The following MYO10 variants were observed in gnomAD, a reference collection of about 807,000 sequenced individuals.
MYO10 encodes the protein myosin X, also known as unconventional myosin-X.
In MYO10, 133 loss-of-function variants were observed where a neutral mutation model predicts 257.3. The ratio of observed to expected loss-of-function variants is 0.52; its 90% CI spans 0.45 to 0.60. The LOEUF is 0.60. Ranked by LOEUF, MYO10 falls within the 20% of genes least tolerant of loss-of-function variation. The pLI is 0.00. For synonymous variants in MYO10, 1,104 were observed against 1,028.6 expected, an observed-to-expected ratio of 1.07 and a Z score of -1.40; for missense variants, 2,399 against 2,635.7, an observed-to-expected ratio of 0.91 and a Z score of 1.97.
chr5:16,742,911 G>A (rs946057204), intron 19 of MYO10, among the ~76,000 whole-genome samples: 4 of 151,180 alleles, frequency 2.6e-5, no homozygotes, highest in Admixed American at 1.3e-4. Flanking sequence ...GCCTGAGGTC[G>A]GGAGTTCGAG....
At position 16,779,127 on chromosome 5, in the gene MYO10, G is replaced by A. The variant is rs186544439; in HGVS notation, c.930+418C>T. Among the ~76,000 whole-genome samples, 239 of 152,296 alleles carry A rather than the reference G, an allele frequency of 1.6e-3. 1 individual carries two copies. The highest frequency in any genetic ancestry group is 5.5e-3 in the African/African-American group (229 of 41,562). On this transcript the variant is annotated intron_variant, in intron 9 of 40. Coordinates refer to ENST00000513610, the MANE Select transcript of MYO10 (RefSeq NM_012334.3). The stretch of plus-strand genomic sequence containing the variant: ...AAATTCTGCAACAACAGTCACCTGG[G>A]CCAATGGCTGGCAGATTTGTTATTA...
At chr5:16,928,300 T>C (rs544087770) in intron 1 of MYO10, among the ~76,000 whole-genome samples, 175 of 152,220 alleles carry the variant, frequency 1.1e-3, no homozygotes, top group African/African-American at 3.4e-3. Context: ...ATTCAACCGA[T>C]TCTCCTGCCT....
intron 2 of MYO10, among the ~76,000 whole-genome samples, chr5:16,829,633 G>A (rs955389259): frequency 2.0e-5 from 3 of 152,064 alleles, no homozygotes; most frequent in African/African-American, 4.8e-5. Flanking sequence ...TTCTGACAGC[G>A]CCGCAGGGCT....
intron 2 of MYO10, among the ~76,000 whole-genome samples, chr5:16,820,255 A>T (rs1021230316): frequency 6.6e-6 from 1 of 152,236 alleles, no homozygotes; most frequent in East Asian, 1.9e-4. Flanking sequence ...AATTCCCAGA[A>T]GTTAAATAGC....
chr5:16,681,030 G>C (rs1016867486), intron 32 of MYO10, among the ~76,000 whole-genome samples: 7 of 152,094 alleles, frequency 4.6e-5, no homozygotes. Context: ...GATGAAAACA[G>C]TATATGAAAA....
intron 2 of MYO10, among the ~76,000 whole-genome samples, chr5:16,824,279 G>C (rs1049733191): frequency 6.6e-6 from 1 of 152,110 alleles, no homozygotes; most frequent in African/African-American, 2.4e-5. Context: ...TTCTCCTAGA[G>C]TAGAGGTTCT....
At chr5:16,763,263 T>G (rs1309516986) in intron 14 of MYO10, among the ~76,000 whole-genome samples, 1 of 152,214 alleles carries the variant, frequency 6.6e-6, no homozygotes, top group African/African-American at 2.4e-5. Context: ...ACACTGTTGA[T>G]TCTAAAATAC....
At chr5:16,846,689 T>C (rs17707780) in intron 2 of MYO10, among the ~76,000 whole-genome samples, 18,162 of 152,266 alleles carry the variant, frequency 0.12, 1,287 homozygotes, top group East Asian at 0.27. Context: ...AGTCATAATA[T>C]GTGACAAGTG....
At position 16,677,564 on chromosome 5, in the gene MYO10, T is replaced by C. The variant is rs541016263; in HGVS notation, c.4543-1410A>G. Among the ~76,000 whole-genome samples the C allele has an allele frequency of 5.9e-3, 893 of 151,472 alleles. 6 individuals are homozygous for C. The highest frequency in any genetic ancestry group is 6.8e-3 in the Non-Finnish European group (465 of 67,930). ...CCGAGTAGCTGGGACTACAGGCGCC[T>C]GCCACCACACCCAGCTAATTTTTTG... On this transcript the variant is annotated intron_variant, in intron 33 of 40. Coordinates refer to ENST00000513610, the MANE Select transcript of MYO10 (RefSeq NM_012334.3).
chr5:16,824,982 T>A (rs116099286), intron 2 of MYO10, among the ~76,000 whole-genome samples: 1,543 of 152,314 alleles, frequency 0.01, 21 homozygotes, highest in African/African-American at 0.035. Flanking sequence ...TTATATTCAT[T>A]CGTTTTTATT....
intron 27 of MYO10, 91 bp downstream of exon 27, chr5:16,694,280 C>A: frequency 1.3e-6 from 2 of 1,564,828 alleles, no homozygotes; most frequent in East Asian, 2.3e-5. Flanking sequence ...CAGGCTACTG[C>A]CGCTGCAAGG....
chr5:16,896,809 C>G (rs1715647407), intron 1 of MYO10, among the ~76,000 whole-genome samples: 2 of 152,106 alleles, frequency 1.3e-5, no homozygotes, highest in African/African-American at 2.4e-5. Context: ...AGGTCAGGGC[C>G]TTCTGGGTGG....
At chr5:16,822,846 C>A (rs1742868347) in intron 2 of MYO10, among the ~76,000 whole-genome samples, 1 of 151,954 alleles carries the variant, frequency 6.6e-6, no homozygotes, top group Non-Finnish European at 1.5e-5. Context: ...CGCAACCACG[C>A]CCGGCTAATT....
chr5:16,689,284 C>T (rs557619040), intron 28 of MYO10, among the ~76,000 whole-genome samples: 6 of 152,182 alleles, frequency 3.9e-5, no homozygotes, highest in Admixed American at 3.9e-4. Flanking sequence ...GAATATTAGC[C>T]TGAAATATAA....
At position 16,666,687 on chromosome 5, in the gene MYO10, C is replaced by T. The variant is rs55999327; in HGVS notation, c.*5G>A. The T allele has an allele frequency of 0.041, 64,802 of 1,592,266 alleles. 1,601 individuals are homozygous for T. Among genetic ancestry groups the T allele is most frequent in the Non-Finnish European group, 0.046 (54,147 of 1,171,260 alleles). On this transcript the variant is annotated 3_prime_UTR_variant, in exon 41 of 41. Coordinates refer to ENST00000513610, the MANE Select transcript of MYO10 (RefSeq NM_012334.3). ...TAGCAAAGACAGGTGGGCTCTGTCC[C>T]GCCTTCACCTGGAGCTGCCCTGGCT...
intron 3 of MYO10, among the ~76,000 whole-genome samples, chr5:16,797,952 G>C (rs762015123): frequency 1.4e-4 from 22 of 152,232 alleles, no homozygotes; most frequent in Admixed American, 5.2e-4. Flanking sequence ...GGTAAGAGCT[G>C]ATTATGTCAT....
intron 2 of MYO10, among the ~76,000 whole-genome samples, chr5:16,870,900 C>CA (rs891139713): frequency 3.4e-4 from 51 of 151,546 alleles, no homozygotes; most frequent in African/African-American, 1.1e-3. Context: ...CACACACACA[C>CA]AAAAAAAATT....
At chr5:16,763,917 G>C (rs1411948962) in intron 12 of MYO10, among the ~76,000 whole-genome samples, 162 bp from the exon 13 acceptor site, 1 of 152,140 alleles carries the variant, frequency 6.6e-6, no homozygotes, top group African/African-American at 2.4e-5. Flanking sequence ...GGCCGAGGTG[G>C]GCAGATCACC....
intron 19 of MYO10, among the ~76,000 whole-genome samples, chr5:16,746,215 C>T (rs949637208): frequency 1.3e-5 from 2 of 152,262 alleles, no homozygotes; most frequent in Admixed American, 6.5e-5. Context: ...GGTGCTGATG[C>T]GAGTGTCACA....
Sources: allele counts gnomAD v4.1 joint callset (sites outside exome capture counted in the v4.1 genomes callset), GRCh38; gene constraint gnomAD v4.1.1; transcripts MANE v1.5; gene names NCBI Gene and HGNC (gene_info 2026-07-23, HGNC 2026-07-21).